The following ZC3HAV1 variants were observed in gnomAD, a reference collection of about 807,000 sequenced individuals.
ZC3HAV1 encodes zinc finger CCCH-type containing, antiviral 1.
A neutral mutation model predicts 86.6 loss-of-function variants in ZC3HAV1; 41 were observed. The ratio of observed to expected loss-of-function variants is 0.47; its 90% CI spans 0.37 to 0.61. The LOEUF (loss-of-function observed/expected upper bound fraction) is 0.61. Among genes scored for constraint, ZC3HAV1 ranks in the 20% least tolerant of loss-of-function variants. ZC3HAV1 has a pLI of 0.00. For synonymous variants in ZC3HAV1, 421 were observed against 432.1 expected (o/e 0.97, Z 0.32); for missense variants, 964 against 1,141.1 (o/e 0.84, Z 2.24).
chr7:139,071,791 C>G (rs1816780526), intron 7 of ZC3HAV1, among the ~76,000 whole-genome samples: 1 of 152,216 alleles, frequency 6.6e-6, no homozygotes, highest in Non-Finnish European at 1.5e-5. Context: ...CAGCCCTGCT[C>G]TACTCTAGTT....
At chr7:139,078,312 G>A (rs1216803822) in intron 5 of ZC3HAV1, among the ~76,000 whole-genome samples, 6 of 152,068 alleles carry the variant, frequency 3.9e-5, no homozygotes, top group African/African-American at 1.4e-4. Context: ...GGAGAAATTT[G>A]AACGCTTGTG....
chr7:139,047,638 A>G lies in ZC3HAV1; in HGVS notation c.2665T>C (p.Tyr889His). The G allele has an allele frequency of 1.2e-6, 2 of 1,614,084 alleles. No homozygotes were observed. Among genetic ancestry groups the G allele is most frequent in the Non-Finnish European group, 1.7e-6 (2 of 1,180,012 alleles). ...TTGTCTTCAGTATATTCAATCACAT[A>G]TTGTGGGTAAACCTGATCTTTCTGA... ...IFQKDQVYPQ[Y>H]VIEYTEDKAC... Residue 889 changes from tyrosine to histidine, a missense_variant, in exon 13 of 13, where the codon TAT (tyrosine) becomes CAT (histidine). Coordinates refer to ENST00000242351, the MANE Select transcript of ZC3HAV1 (RefSeq NM_020119.4).
At chr7:139,095,182 T>C (rs1377927937) in intron 1 of ZC3HAV1, among the ~76,000 whole-genome samples, 1 of 152,080 alleles carries the variant, frequency 6.6e-6, no homozygotes, top group Non-Finnish European at 1.5e-5. Flanking sequence ...CTAGAGAACA[T>C]TGAGCTAAAG....
chr7:139,088,534 G>A (rs1330870435), intron 2 of ZC3HAV1, among the ~76,000 whole-genome samples: 3 of 152,148 alleles, frequency 2.0e-5, no homozygotes, highest in African/African-American at 7.2e-5. Flanking sequence ...ATTGTACACA[G>A]AGACGGAAGC....
intron 9 of ZC3HAV1, among the ~76,000 whole-genome samples, chr7:139,056,963 T>G (rs1816302928): frequency 6.6e-6 from 1 of 152,220 alleles, no homozygotes; most frequent in Non-Finnish European, 1.5e-5. Flanking sequence ...TATTATGTTT[T>G]TTAAAACCTC....
intron 1 of ZC3HAV1, among the ~76,000 whole-genome samples, chr7:139,103,584 A>G (rs1817840532): frequency 6.6e-6 from 1 of 152,246 alleles, no homozygotes; most frequent in South Asian, 2.1e-4. Context: ...AATCTGGAAA[A>G]GTTGAAGCTA....
rs1325928078 is a variant in ZC3HAV1, at chr7:139,108,923, G to T, written c.308+101C>A. 3 of 1,396,446 alleles carry T rather than the reference G, an allele frequency of 2.1e-6. No individual in the cohort carries two copies. The highest frequency in any genetic ancestry group is 2.9e-6 in the Non-Finnish European group (3 of 1,050,678). The allele number at this position is 1,396,446 out of a possible 1,614,324, so 86.5% of individuals were successfully genotyped here. On this transcript the variant is annotated intron_variant, in intron 1 of 12. Coordinates refer to ENST00000242351, the MANE Select transcript of ZC3HAV1 (RefSeq NM_020119.4). This position sits in a 1 kb window ranked among gnomAD's most constrained non-coding sequence, Gnocchi z 4.2. ...GCTGGAGGCGGAGGCTGTCAGGTGCGGGGTCCCGGCGAAGCCGTGCCCCTC... is the reference window on the plus strand; with the variant it reads ...GCTGGAGGCGGAGGCTGTCAGGTGCTGGGTCCCGGCGAAGCCGTGCCCCTC...
chr7:139,045,766 C>T lies in ZC3HAV1; in HGVS notation c.*1828G>A, dbSNP rs1815936146. 1 of 152,040 alleles carries T rather than the reference C, an allele frequency of 6.6e-6. No homozygotes were observed. Among genetic ancestry groups the T allele is most frequent in the Non-Finnish European group, 1.5e-5 (1 of 68,006 alleles). 9.4% of individuals were successfully genotyped at this position (152,040 alleles called of 1,614,324 possible). ...GGGCTGTTGGAAAGAGTTGGACAAACTGCACCCCTACAATGTGAGGGTCAA... is the reference window on the plus strand; with the variant it reads ...GGGCTGTTGGAAAGAGTTGGACAAATTGCACCCCTACAATGTGAGGGTCAA... On this transcript the variant is annotated 3_prime_UTR_variant, in exon 13 of 13. Transcript: ENST00000242351.
intron 7 of ZC3HAV1, among the ~76,000 whole-genome samples, chr7:139,067,197 G>A (rs1816631005): frequency 6.6e-6 from 1 of 151,870 alleles, no homozygotes; most frequent in Admixed American, 6.6e-5. Flanking sequence ...TGCCCAGGCT[G>A]GAATGCAGTG....
At chr7:139,070,054 A>G (rs983254270) in intron 7 of ZC3HAV1, among the ~76,000 whole-genome samples, 1 of 150,922 alleles carries the variant, frequency 6.6e-6, no homozygotes, top group African/African-American at 2.4e-5. Flanking sequence ...TTTTACTTGG[A>G]CTCCCAGCAA....
intron 6 of ZC3HAV1, among the ~76,000 whole-genome samples, chr7:139,074,777 ATTATG>A (rs559731569): frequency 3.9e-5 from 6 of 152,164 alleles, no homozygotes; most frequent in Non-Finnish European, 7.3e-5. Flanking sequence ...AAACATGTTC[ATTATG>A]TTAACATATA....
intron 8 of ZC3HAV1, among the ~76,000 whole-genome samples, chr7:139,064,602 C>A (rs531303127): frequency 6.6e-6 from 1 of 152,114 alleles, no homozygotes; most frequent in South Asian, 2.1e-4. Flanking sequence ...TGGAAGTACC[C>A]CCAAGACTAC....
At chr7:139,072,696 G>A (rs960632683) in intron 7 of ZC3HAV1, among the ~76,000 whole-genome samples, 26 of 152,100 alleles carry the variant, frequency 1.7e-4, no homozygotes, top group African/African-American at 6.0e-4. Context: ...GTCAGCCTAG[G>A]ATCTTCTAGT....
rs1348451644 is a variant in ZC3HAV1, at chr7:139,045,377, G to A, written c.*2217C>T. On this transcript the variant is annotated 3_prime_UTR_variant, in exon 13 of 13. Coordinates refer to ENST00000242351, the MANE Select transcript of ZC3HAV1 (RefSeq NM_020119.4). Reference sequence around the variant, plus strand: ...GGAGAGATCACATGGGGCCATGACAGCGGTTTTGAACTTTATCCTGAAGAC... The same window carrying A: ...GGAGAGATCACATGGGGCCATGACAACGGTTTTGAACTTTATCCTGAAGAC... 3 of 152,190 alleles carry A rather than the reference G, an allele frequency of 2.0e-5. No homozygotes were observed. The highest frequency in any genetic ancestry group is 7.2e-5 in the African/African-American group (3 of 41,434). The allele number at this position is 152,190 out of a possible 1,614,324, so 9.4% of individuals were successfully genotyped here.
chr7:139,058,727 C>G (rs1325350491), intron 9 of ZC3HAV1, among the ~76,000 whole-genome samples: 1 of 151,970 alleles, frequency 6.6e-6, no homozygotes, highest in Non-Finnish European at 1.5e-5. Flanking sequence ...AAGGAGTATT[C>G]CTGGAGAGGG....
Position 139,053,507 on chromosome 7 carries a change from CAGAT to C in ZC3HAV1, c.2389_2392del (p.Ile797ValfsTer45). 6.2e-7 allele frequency: 1 copy of C among 1,604,082 alleles called. No individual in the cohort carries two copies. The highest frequency in any genetic ancestry group is 8.5e-7 in the Non-Finnish European group (1 of 1,176,740). ...TAGGAAACTGTCAAAATTATTCGAACAGATAGATTCCACATAGGCACGGCTTGTC... is the reference window on the plus strand; with the variant it reads ...TAGGAAACTGTCAAAATTATTCGAACAGATTCCACATAGGCACGGCTTGTC... On this transcript the variant is annotated frameshift_variant, in exon 12 of 13. Coordinates refer to ENST00000242351, the MANE Select transcript of ZC3HAV1 (RefSeq NM_020119.4). LOFTEE classifies it high-confidence loss of function.
chr7:139,062,802 G>C (rs918941767), intron 8 of ZC3HAV1, among the ~76,000 whole-genome samples: 5 of 152,088 alleles, frequency 3.3e-5, no homozygotes, highest in Non-Finnish European at 7.4e-5. Flanking sequence ...GGCTGAGGCA[G>C]GTGGATCACG....
chr7:139,087,384 G>C (rs1563136804), intron 2 of ZC3HAV1, among the ~76,000 whole-genome samples: 1 of 146,286 alleles, frequency 6.8e-6, no homozygotes, highest in Non-Finnish European at 1.5e-5. Context: ...AGAGAAAGAG[G>C]GAGAGAGAGA....
rs1815957614 is a variant in ZC3HAV1 at position 139,046,496 on chromosome 7, C to T, written c.*1098G>A. On this transcript the variant is annotated 3_prime_UTR_variant, in exon 13 of 13. Transcript: ENST00000242351. ...TTCTCTGTAATCATATTAATTAGAA[C>T]ATAAATGTCTACTTTGCCATAATTA... is the stretch of plus-strand genomic sequence containing the variant. 6.6e-6 allele frequency: 1 copy of T among 152,212 alleles called. No individual in the cohort carries two copies. Among genetic ancestry groups the T allele is most frequent in the Admixed American group, 6.5e-5 (1 of 15,274 alleles). The allele number at this position is 152,212 out of a possible 1,614,324, so 9.4% of individuals were successfully genotyped here.
Sources: gnomAD v4.1 joint callset for allele counts (sites outside exome capture counted in the v4.1 genomes callset) on GRCh38, gnomAD v4.1.1 for gene constraint, Gnocchi (gnomAD v3.1) non-coding constraint, MANE v1.5 for transcripts, NCBI Gene and HGNC (gene_info 2026-07-23, HGNC 2026-07-21) for gene names.